NCKAP5: variants seen among roughly 807,000 people sequenced by gnomAD.
NCKAP5 encodes the protein nck-associated protein 5.
NCKAP5 carries 92 observed loss-of-function variants against 167.0 expected under a neutral mutation model. The ratio of observed to expected loss-of-function variants is 0.55; its 90% CI spans 0.47 to 0.66. NCKAP5 has a LOEUF of 0.66. Ranked by LOEUF, NCKAP5 falls within the 30% of genes least tolerant of loss-of-function variation. The pLI is 0.00. For synonymous variants in NCKAP5, 891 were observed against 877.4 expected (o/e 1.02, Z -0.27); for missense variants, 2,378 against 2,315.0 (o/e 1.03, Z -0.56).
At chr2:132,869,340 G>T (rs1217583710) in intron 9 of NCKAP5, among the ~76,000 whole-genome samples, 1 of 152,132 alleles carries the variant, frequency 6.6e-6, no homozygotes, top group Non-Finnish European at 1.5e-5. Context: ...ACACTTTGCT[G>T]ATTTACAATA....
At chr2:133,415,398 G>T (rs1203888904) in intron 3 of NCKAP5, among the ~76,000 whole-genome samples, 1 of 152,224 alleles carries the variant, frequency 6.6e-6, no homozygotes, top group Non-Finnish European at 1.5e-5. Flanking sequence ...GAACTGGTTT[G>T]CTCTGTGTGG....
At chr2:133,575,764 T>C in the NCKAP5 span, among the ~76,000 whole-genome samples, 1 of 152,284 alleles carries the variant, frequency 6.6e-6, no homozygotes, top group South Asian at 2.1e-4. Context: ...GGCAGAGAAA[T>C]TGCAGACAGG....
intron 8 of NCKAP5, among the ~76,000 whole-genome samples, chr2:132,922,107 C>T (rs866687751): frequency 3.9e-5 from 6 of 152,162 alleles, no homozygotes; most frequent in South Asian, 2.1e-4. Context: ...GGTTCATGAA[C>T]GCAGCTATGC....
chr2:133,050,317 CA>C lies in NCKAP5; in HGVS notation c.342-56079del, dbSNP rs529287152. Among the ~76,000 whole-genome samples, 286 of 136,220 alleles carry C rather than the reference CA, an allele frequency of 2.1e-3. 2 individuals are homozygous for C. The highest frequency in any genetic ancestry group is 0.01 in the South Asian group (43 of 4,164). 89.4% of individuals were successfully genotyped at this position (136,220 alleles called of 152,430 possible). ...GGTGGGAAGGGGAAAAGACTAAAAA[CA>C]AAAAAAAAATGGGGGAGAAAACAAC... On this transcript the variant is annotated intron_variant, in intron 6 of 19. Transcript: ENST00000409261.
intron 16 of NCKAP5, among the ~76,000 whole-genome samples, chr2:132,763,854 T>G (rs771214737): frequency 6.6e-6 from 1 of 152,206 alleles, no homozygotes; most frequent in African/African-American, 2.4e-5. Context: ...AGAGGGCAGA[T>G]ACTATGTCTT....
At chr2:133,092,301 G>GA (rs1392095222) in intron 6 of NCKAP5, among the ~76,000 whole-genome samples, 1 of 152,112 alleles carries the variant, frequency 6.6e-6, no homozygotes, top group Non-Finnish European at 1.5e-5. Context: ...TACAGCAGAG[G>GA]AAGATGGCCT....
intron 2 of NCKAP5, among the ~76,000 whole-genome samples, chr2:133,547,729 C>T (rs1049736741): frequency 3.8e-4 from 56 of 149,204 alleles, no homozygotes; most frequent in Non-Finnish European, 6.5e-4. Flanking sequence ...CCCATCTGTA[C>T]ATCACCATCA....
At chr2:133,200,640 T>A (rs2085646689) in intron 5 of NCKAP5, among the ~76,000 whole-genome samples, 1 of 152,164 alleles carries the variant, frequency 6.6e-6, no homozygotes. Flanking sequence ...AAAACATTCA[T>A]GTTTTAAAGG....
chr2:132,823,099 A>G (rs1686875551), intron 11 of NCKAP5, among the ~76,000 whole-genome samples: 1 of 152,262 alleles, frequency 6.6e-6, no homozygotes, highest in Non-Finnish European at 1.5e-5. Context: ...TCCCTGAGGA[A>G]GAGAAATCTA....
chr2:133,440,658 A>G (rs1574959776), intron 3 of NCKAP5, among the ~76,000 whole-genome samples: 1 of 139,952 alleles, frequency 7.1e-6, no homozygotes, highest in African/African-American at 2.7e-5. Context: ...TGCAGTGAGC[A>G]GAGATGGCGC....
intron 6 of NCKAP5, among the ~76,000 whole-genome samples, chr2:133,110,186 C>T (rs1185517682): frequency 2.6e-5 from 4 of 152,134 alleles, no homozygotes; most frequent in African/African-American, 7.2e-5. Flanking sequence ...TGCAAAAGTT[C>T]TCAATGGTGG....
intron 10 of NCKAP5, among the ~76,000 whole-genome samples, chr2:132,866,371 G>A (rs140688965): frequency 7.9e-5 from 12 of 152,180 alleles, no homozygotes; most frequent in Non-Finnish European, 1.2e-4. Context: ...GATTTAATTC[G>A]CACTTGTAGA....
At chr2:133,632,048 T>C in the NCKAP5 span, among the ~76,000 whole-genome samples, 1 of 152,174 alleles carries the variant, frequency 6.6e-6, no homozygotes, top group Non-Finnish European at 1.5e-5. Flanking sequence ...ATTGGGAAAT[T>C]TTAAAAAGGC....
chr2:133,594,266 G>A, the NCKAP5 span, among the ~76,000 whole-genome samples: 3 of 152,162 alleles, frequency 2.0e-5, no homozygotes, highest in Admixed American at 6.5e-5. Flanking sequence ...TCTCGACTTC[G>A]TTGGCTGGGA....
At chr2:132,740,360 T>G (rs1428025630) in intron 16 of NCKAP5, among the ~76,000 whole-genome samples, 1 of 152,132 alleles carries the variant, frequency 6.6e-6, no homozygotes, top group African/African-American at 2.4e-5. Flanking sequence ...TTAAGCTACA[T>G]GTGGTATTGG....
intron 3 of NCKAP5, among the ~76,000 whole-genome samples, chr2:133,471,263 G>C (rs1034482497): frequency 1.3e-5 from 2 of 152,162 alleles, no homozygotes; most frequent in East Asian, 3.9e-4. Context: ...GCCTCAGCAC[G>C]AACAGCCACT....
intron 8 of NCKAP5, among the ~76,000 whole-genome samples, chr2:132,879,460 T>C (rs1691580574): frequency 6.6e-6 from 1 of 152,256 alleles, no homozygotes; most frequent in Admixed American, 6.5e-5. Context: ...CACACTCTTG[T>C]AATATTACTG....
chr2:133,525,956 T>C (rs1031806663), intron 2 of NCKAP5, among the ~76,000 whole-genome samples: 12 of 151,968 alleles, frequency 7.9e-5, no homozygotes, highest in African/African-American at 2.9e-4. Context: ...ATAATAAAAA[T>C]CCCCTTAACA....
At chr2:132,946,177 C>T (rs1697708926) in intron 8 of NCKAP5, among the ~76,000 whole-genome samples, 1 of 152,160 alleles carries the variant, frequency 6.6e-6, no homozygotes, top group African/African-American at 2.4e-5. Flanking sequence ...TGTGATCCCC[C>T]CTCAGGTTGC....
Sources: allele counts gnomAD v4.1 joint callset (sites outside exome capture counted in the v4.1 genomes callset), GRCh38; gene constraint gnomAD v4.1.1; transcripts MANE v1.5; gene names NCBI Gene and HGNC (gene_info 2026-07-23, HGNC 2026-07-21).